The following CDH12 variants were observed in gnomAD, a reference collection of about 807,000 sequenced individuals.
The protein encoded by CDH12 is cadherin-12.
A neutral mutation model predicts 74.1 loss-of-function variants in CDH12; 41 were observed. The observed-to-expected ratio is 0.55, with a 90% CI of 0.43 to 0.72. The LOEUF (loss-of-function observed/expected upper bound fraction) is 0.72. Among genes scored for constraint, CDH12 ranks in the 30% least tolerant of loss-of-function variants. CDH12 has a pLI of 0.00. For missense variants in CDH12, 945 were observed against 977.2 expected (o/e 0.97, Z 0.44); for synonymous variants, 399 against 355.0 (o/e 1.12, Z -1.39).
At chr5:22,689,761 G>T (rs1465001643) in intron 1 of CDH12, among the ~76,000 whole-genome samples, 1 of 152,016 alleles carries the variant, frequency 6.6e-6, no homozygotes, top group African/African-American at 2.4e-5. Flanking sequence ...CAGATAAGGA[G>T]CTGAGTTGGA....
intron 6 of CDH12, among the ~76,000 whole-genome samples, chr5:21,908,148 A>G (rs1343986539): frequency 6.6e-6 from 1 of 152,220 alleles, no homozygotes; most frequent in Non-Finnish European, 1.5e-5. Flanking sequence ...ATAAAGAGGT[A>G]GTTTGTTAAC....
intron 3 of CDH12, among the ~76,000 whole-genome samples, chr5:22,319,249 C>T (rs747958704): frequency 3.9e-5 from 6 of 152,068 alleles, no homozygotes; most frequent in South Asian, 2.1e-4. Flanking sequence ...GAATCATTGG[C>T]GATACTCTAA....
At chr5:21,861,432 A>G (rs184824447) in intron 6 of CDH12, among the ~76,000 whole-genome samples, 1,598 of 152,218 alleles carry the variant, frequency 0.01, 18 homozygotes, top group Non-Finnish European at 0.017. Context: ...ATACTGAGTG[A>G]GAATGTAACA....
intron 1 of CDH12, among the ~76,000 whole-genome samples, chr5:22,702,998 T>C (rs927659541): frequency 1.3e-5 from 2 of 152,160 alleles, no homozygotes; most frequent in Admixed American, 6.6e-5. Context: ...GGAATAAAGA[T>C]GAATTTTACT....
At chr5:22,465,686 C>G (rs1203090438) in intron 2 of CDH12, among the ~76,000 whole-genome samples, 5 of 152,014 alleles carry the variant, frequency 3.3e-5, no homozygotes, top group Non-Finnish European at 7.4e-5. Flanking sequence ...CAGAACAGAA[C>G]AGAACACTTG....
chr5:22,814,723 A>T (rs1398924760), intron 1 of CDH12, among the ~76,000 whole-genome samples: 2 of 152,182 alleles, frequency 1.3e-5, no homozygotes, highest in Non-Finnish European at 2.9e-5. Context: ...GAACATAGCT[A>T]TTAACTGTTT....
intron 1 of CDH12, among the ~76,000 whole-genome samples, chr5:22,609,707 GA>G (rs1737297354): frequency 1.3e-5 from 2 of 152,140 alleles, no homozygotes; most frequent in Non-Finnish European, 2.9e-5. Context: ...AGGGTAGGAA[GA>G]AAAAAACGTA....
chr5:22,256,023 A>G (rs1441681085), intron 3 of CDH12, among the ~76,000 whole-genome samples: 2 of 152,134 alleles, frequency 1.3e-5, no homozygotes, highest in Admixed American at 1.3e-4. Context: ...CAGTCTTCAA[A>G]CCATCTTATA....
chr5:22,025,995 C>T (rs1738324433), intron 5 of CDH12, among the ~76,000 whole-genome samples: 1 of 126,168 alleles, frequency 7.9e-6, no homozygotes. Flanking sequence ...AAATCTTCAA[C>T]CACTCAGTCA....
At chr5:22,107,300 T>A (rs1038592711) in intron 4 of CDH12, among the ~76,000 whole-genome samples, 1 of 151,560 alleles carries the variant, frequency 6.6e-6, no homozygotes, top group Non-Finnish European at 1.5e-5. Context: ...CCTGGCTAAT[T>A]TTTTTATTTT....
Position 22,166,402 on chromosome 5 carries a change from T to C in CDH12, c.-187+46096A>G, listed in dbSNP as rs1203730129. Among the ~76,000 whole-genome samples, 3 of 152,310 alleles carry C rather than the reference T, an allele frequency of 2.0e-5. No homozygotes were observed. In the East Asian group the frequency reaches 5.8e-4, roughly 29 times the overall value. ...TCCCTTGAATAGAAGTCAATGGGTT[T>C]TTTTGCTTATGCCCATACCATATTG... On this transcript the variant is annotated intron_variant, in intron 4 of 14. Transcript: ENST00000382254.
intron 13 of CDH12, among the ~76,000 whole-genome samples, chr5:21,759,082 A>G (rs1364646365): frequency 6.6e-6 from 1 of 152,140 alleles, no homozygotes; most frequent in South Asian, 2.1e-4. Flanking sequence ...AAATATACCC[A>G]TGTAACAAAG....
At chr5:22,339,469 C>G (rs555573271) in intron 3 of CDH12, among the ~76,000 whole-genome samples, 3 of 152,180 alleles carry the variant, frequency 2.0e-5, no homozygotes, top group South Asian at 2.1e-4. Flanking sequence ...TTTGAGGGTT[C>G]TATTTGTTTC....
At chr5:22,205,516 T>C (rs926750896) in intron 4 of CDH12, among the ~76,000 whole-genome samples, 1 of 152,152 alleles carries the variant, frequency 6.6e-6, no homozygotes, top group Non-Finnish European at 1.5e-5. Context: ...TTTATATCTA[T>C]ATTAATGAAA....
Position 22,761,367 on chromosome 5 carries a change from C to T in CDH12, c.-523+91691G>A, listed in dbSNP as rs1000501267. Among the ~76,000 whole-genome samples the T allele has an allele frequency of 5.9e-5, 9 of 152,088 alleles. No individual in the cohort carries two copies. The South Asian group carries it at 1.4e-3, about 24-fold the overall frequency. Reference sequence around the variant, plus strand: ...TCTTGAAAGCAACTCATTCTTATTTCGGCTAAGAACGGAAAATGCCTGGAG... The same window carrying T: ...TCTTGAAAGCAACTCATTCTTATTTTGGCTAAGAACGGAAAATGCCTGGAG... On this transcript the variant is annotated intron_variant, in intron 1 of 14. Transcript: ENST00000382254.
intron 11 of CDH12, among the ~76,000 whole-genome samples, chr5:21,777,073 T>C (rs1745629969): frequency 6.6e-6 from 1 of 152,230 alleles, no homozygotes; most frequent in Non-Finnish European, 1.5e-5. Flanking sequence ...GTTGATCAAA[T>C]TGTCACTCTG....
intron 2 of CDH12, among the ~76,000 whole-genome samples, chr5:22,432,056 A>C (rs1322492759): frequency 1.3e-5 from 2 of 152,106 alleles, no homozygotes; most frequent in Non-Finnish European, 2.9e-5. Context: ...GTGAATGGTG[A>C]CTCTGACTCA....
chr5:22,592,284 G>T (rs535788825), intron 1 of CDH12, among the ~76,000 whole-genome samples: 1 of 152,016 alleles, frequency 6.6e-6, no homozygotes, highest in African/African-American at 2.4e-5. Flanking sequence ...CTGTACTTTC[G>T]GCATGTTGCC....
At chr5:22,662,222 A>G (rs1283303230) in intron 1 of CDH12, among the ~76,000 whole-genome samples, 2 of 152,198 alleles carry the variant, frequency 1.3e-5, no homozygotes, top group Admixed American at 6.5e-5. Flanking sequence ...AGGAATGTGA[A>G]ACCTAAACCA....
Sources: allele counts gnomAD v4.1 joint callset (sites outside exome capture counted in the v4.1 genomes callset), GRCh38; gene constraint gnomAD v4.1.1; transcripts MANE v1.5; gene names NCBI Gene and HGNC (gene_info 2026-07-23, HGNC 2026-07-21).